The following KCNIP4 variants were observed in gnomAD, a reference collection of about 807,000 sequenced individuals.
The protein encoded by KCNIP4 is Kv channel-interacting protein 4.
In KCNIP4, 12 loss-of-function variants were observed where a neutral mutation model predicts 34.0. That is an observed-to-expected ratio of 0.35 (90% confidence interval 0.23 to 0.57). The LOEUF is 0.57. KCNIP4 is among the 20% of genes least tolerant of loss of function. The pLI is 0.83. For missense variants in KCNIP4, 238 were observed against 311.7 expected, an observed-to-expected ratio of 0.76 and a Z score of 1.78; for synonymous variants, 124 against 102.2, an observed-to-expected ratio of 1.21 and a Z score of -1.29.
chr4:21,032,041 A>C (rs1267436427), intron 1 of KCNIP4, among the ~76,000 whole-genome samples: 2 of 152,216 alleles, frequency 1.3e-5, no homozygotes, highest in African/African-American at 2.4e-5. Context: ...TGTTGCACAC[A>C]GAGAACAGCC....
At chr4:20,944,987 C>T (rs1039128262) in intron 1 of KCNIP4, among the ~76,000 whole-genome samples, 1 of 152,194 alleles carries the variant, frequency 6.6e-6, no homozygotes, top group Non-Finnish European at 1.5e-5. Flanking sequence ...GGAAGAGAAT[C>T]TTAGCCTCAG....
chr4:21,331,143 A>AT (rs201695299), intron 1 of KCNIP4, among the ~76,000 whole-genome samples: 60 of 150,154 alleles, frequency 4.0e-4, no homozygotes, highest in Admixed American at 4.0e-4. Context: ...AACTTTGACT[A>AT]TTTTTTTTTG....
At chr4:20,986,486 G>C (rs1426040781) in intron 1 of KCNIP4, among the ~76,000 whole-genome samples, 2 of 151,792 alleles carry the variant, frequency 1.3e-5, no homozygotes, top group African/African-American at 2.4e-5. Context: ...AAAGTCAAAA[G>C]TTAAAAAAAA....
chr4:21,811,618 A>C (rs1458333944), intron 1 of KCNIP4, among the ~76,000 whole-genome samples: 3 of 152,244 alleles, frequency 2.0e-5, no homozygotes, highest in Admixed American at 1.3e-4. Context: ...AGAGTAAATA[A>C]CTGGAGAAAG....
At chr4:21,180,637 G>T (rs932916168) in intron 1 of KCNIP4, among the ~76,000 whole-genome samples, 5 of 150,746 alleles carry the variant, frequency 3.3e-5, no homozygotes, top group African/African-American at 1.2e-4. Flanking sequence ...AGTTGCAATG[G>T]CTTCTTTCCT....
At chr4:20,997,888 C>T (rs1020508571) in intron 1 of KCNIP4, among the ~76,000 whole-genome samples, 3 of 152,148 alleles carry the variant, frequency 2.0e-5, no homozygotes, top group Non-Finnish European at 4.4e-5. Flanking sequence ...TTCAAGTCAC[C>T]TCGGGTGAAA....
intron 1 of KCNIP4, among the ~76,000 whole-genome samples, chr4:21,793,943 A>G (rs948538944): frequency 2.0e-5 from 3 of 152,228 alleles, no homozygotes; most frequent in Admixed American, 1.3e-4. Context: ...ACCATGGAAT[A>G]CTATGCAGCC....
At chr4:21,479,249 A>T (rs969545140) in intron 1 of KCNIP4, among the ~76,000 whole-genome samples, 1 of 152,208 alleles carries the variant, frequency 6.6e-6, no homozygotes. Flanking sequence ...CTGCTGCTCA[A>T]AAAGAACAAA....
intron 1 of KCNIP4, among the ~76,000 whole-genome samples, chr4:21,102,704 A>G (rs1280149556): frequency 2.0e-5 from 3 of 152,232 alleles, no homozygotes; most frequent in Non-Finnish European, 4.4e-5. Context: ...GAATAAGTCT[A>G]TTAAAATCTT....
intron 1 of KCNIP4, among the ~76,000 whole-genome samples, chr4:21,785,949 C>T (rs181551731): frequency 1.9e-4 from 29 of 152,166 alleles, no homozygotes; most frequent in African/African-American, 7.0e-4. Context: ...TATATTTTCA[C>T]CTCTCTTTTT....
intron 1 of KCNIP4, among the ~76,000 whole-genome samples, chr4:20,907,842 G>A (rs537995734): frequency 2.0e-5 from 3 of 150,590 alleles, no homozygotes; most frequent in Non-Finnish European, 4.4e-5. Flanking sequence ...CTCAGTCACC[G>A]GAGTAGCTGG....
intron 1 of KCNIP4, among the ~76,000 whole-genome samples, chr4:21,012,686 T>A (rs1302625665): frequency 3.3e-5 from 5 of 152,210 alleles, no homozygotes; most frequent in Non-Finnish European, 7.3e-5. Context: ...TCAACCAGGA[T>A]CTGGGTAACC....
In KCNIP4 at chr4:21,865,286, T is replaced by C. The variant is rs139590158; in HGVS notation, c.61+83285A>G. ...CACTCACCATTCATGATCACTTCCA[T>C]CATCAATAAAAACAAACACAAACAA... On this transcript the variant is annotated intron_variant, in intron 1 of 8. Transcript: ENST00000382152. Among the ~76,000 whole-genome samples, 632 of 145,576 alleles carry C rather than the reference T, an allele frequency of 4.3e-3. 6 individuals are homozygous for C. The highest frequency in any genetic ancestry group is 0.015 in the African/African-American group (607 of 39,514).
chr4:20,759,071 G>GA (rs1052795920), intron 3 of KCNIP4, among the ~76,000 whole-genome samples, 181 bp from the exon 4 acceptor site: 78 of 150,076 alleles, frequency 5.2e-4, no homozygotes, highest in Middle Eastern at 3.4e-3. Flanking sequence ...GTTCTCACAA[G>GA]AAAAAAAAAC....
rs148644511 is a variant in KCNIP4, at chr4:20,934,232, G to T, written c.62-51523C>A. ...ATGTTTTTCTGCCTCATAAACACAC[G>T]TACCCACATATTCAGTCAGCTCCTC... On this transcript the variant is annotated intron_variant, in intron 1 of 8. Coordinates refer to ENST00000382152, the MANE Select transcript of KCNIP4 (RefSeq NM_025221.6). Among the ~76,000 whole-genome samples, 304 of 151,988 alleles carry T rather than the reference G, an allele frequency of 2.0e-3. 1 individual carries two copies. Among genetic ancestry groups the T allele is most frequent in the African/African-American group, 7.0e-3 (291 of 41,480 alleles).
At chr4:21,251,264 A>G (rs1760676503) in intron 1 of KCNIP4, among the ~76,000 whole-genome samples, 1 of 152,192 alleles carries the variant, frequency 6.6e-6, no homozygotes, top group African/African-American at 2.4e-5. Context: ...AAATTTTAGG[A>G]AAATTATACA....
At chr4:20,955,208 A>G (rs535417491) in intron 1 of KCNIP4, among the ~76,000 whole-genome samples, 2 of 152,270 alleles carry the variant, frequency 1.3e-5, no homozygotes, top group Middle Eastern at 6.8e-3. Flanking sequence ...ACTAGCTTCT[A>G]TGCCACTTAA....
intron 1 of KCNIP4, among the ~76,000 whole-genome samples, chr4:21,430,118 C>G (rs1726305601): frequency 6.6e-6 from 1 of 152,106 alleles, no homozygotes; most frequent in Admixed American, 6.6e-5. Context: ...TTCTCCTCCT[C>G]TGGACTTTTA....
chr4:21,593,059 T>C (rs16871511), intron 1 of KCNIP4, among the ~76,000 whole-genome samples: 10,011 of 151,962 alleles, frequency 0.066, 480 homozygotes, highest in African/African-American at 0.13. Context: ...CTTGGACTCC[T>C]TCTAAAATGC....
Sources: gnomAD v4.1 joint callset for allele counts (sites outside exome capture counted in the v4.1 genomes callset) on GRCh38, gnomAD v4.1.1 for gene constraint, MANE v1.5 for transcripts, NCBI Gene and HGNC (gene_info 2026-07-23, HGNC 2026-07-21) for gene names.